DCC: variants seen among roughly 807,000 people sequenced by gnomAD.
DCC encodes the protein netrin receptor DCC.
A neutral mutation model predicts 172.5 loss-of-function variants in DCC; 58 were observed. That is an observed-to-expected ratio of 0.34 (90% confidence interval 0.27 to 0.42). The LOEUF is 0.42. Among genes scored for constraint, DCC ranks in the 10% least tolerant of loss-of-function variants. The pLI, the probability that DCC is intolerant of heterozygous loss-of-function variation, is 1.00. For synonymous variants in DCC, 709 were observed against 644.5 expected (o/e 1.10, Z -1.52); for missense variants, 1,740 against 1,791.0 (o/e 0.97, Z 0.51).
chr18:52,664,800 T>C (rs1599000342), intron 1 of DCC, among the ~76,000 whole-genome samples: 1 of 152,126 alleles, frequency 6.6e-6, no homozygotes, highest in Non-Finnish European at 1.5e-5. Flanking sequence ...AATGCAAAAA[T>C]CCTACTGATA....
intron 5 of DCC, among the ~76,000 whole-genome samples, chr18:52,926,806 C>T (rs1230655460): frequency 1.4e-5 from 2 of 142,298 alleles, no homozygotes; most frequent in Non-Finnish European, 3.1e-5. Context: ...CACACATATA[C>T]ATATGTGTGT....
intron 24 of DCC, 52 bp downstream of exon 24, chr18:53,459,510 G>A: frequency 8.0e-7 from 1 of 1,245,766 alleles, no homozygotes; most frequent in East Asian, 2.3e-5. Context: ...TGAACCCAAG[G>A]GAGTTTTTCA....
chr18:52,362,543 G>T (rs1364959207), intron 1 of DCC, among the ~76,000 whole-genome samples: 1 of 152,090 alleles, frequency 6.6e-6, no homozygotes, highest in Admixed American at 6.5e-5. Context: ...AAATTTGAAT[G>T]CTATAATAGA....
At chr18:53,254,214 A>C (rs750662155) in intron 12 of DCC, among the ~76,000 whole-genome samples, 15 of 152,090 alleles carry the variant, frequency 9.9e-5, no homozygotes, top group Non-Finnish European at 1.8e-4. Flanking sequence ...ACAGGGCTCC[A>C]AGCTGCCATG....
chr18:52,943,524 C>CT (rs1381711685), intron 5 of DCC, among the ~76,000 whole-genome samples: 1 of 152,072 alleles, frequency 6.6e-6, no homozygotes, highest in Non-Finnish European at 1.5e-5. Flanking sequence ...GTTTTGTAAT[C>CT]TCTATATCGC....
At chr18:52,929,673 C>T (rs114282109) in intron 5 of DCC, among the ~76,000 whole-genome samples, 2,281 of 151,632 alleles carry the variant, frequency 0.015, 44 homozygotes, top group African/African-American at 0.039. Context: ...AGTGGTGTGC[C>T]GTTTGTATAA....
At chr18:52,857,116 A>C (rs958260540) in intron 2 of DCC, among the ~76,000 whole-genome samples, 4 of 152,226 alleles carry the variant, frequency 2.6e-5, no homozygotes, top group Non-Finnish European at 4.4e-5. Context: ...TTTTGGAAAA[A>C]AAATGGTAAA....
At chr18:52,511,847 G>T (rs1404090690) in intron 1 of DCC, among the ~76,000 whole-genome samples, 1 of 152,126 alleles carries the variant, frequency 6.6e-6, no homozygotes, top group African/African-American at 2.4e-5. Flanking sequence ...TTCAGGACTG[G>T]CTTTCTCGTG....
At chr18:53,457,038 G>A (rs1387234552) in intron 23 of DCC, among the ~76,000 whole-genome samples, 1 of 152,168 alleles carries the variant, frequency 6.6e-6, no homozygotes, top group Non-Finnish European at 1.5e-5. Flanking sequence ...AGATGGTCAT[G>A]GCTAGAATAA....
intron 1 of DCC, among the ~76,000 whole-genome samples, chr18:52,462,132 G>T (rs1035412416): frequency 6.6e-6 from 1 of 152,070 alleles, no homozygotes; most frequent in East Asian, 1.9e-4. Flanking sequence ...TCCCACCAAG[G>T]TAGGAAGTTA....
chr18:53,390,041 C>A (rs1221204345), intron 16 of DCC, among the ~76,000 whole-genome samples: 2 of 152,120 alleles, frequency 1.3e-5, no homozygotes, highest in South Asian at 2.1e-4. Flanking sequence ...CAAAGTAGCA[C>A]CTGCTTTAAT....
intron 1 of DCC, among the ~76,000 whole-genome samples, chr18:52,723,024 T>C (rs4603662): frequency 0.44 from 66,694 of 152,066 alleles, 15,623 homozygotes; most frequent in East Asian, 0.76. Context: ...TTTGAGAGCA[T>C]AGCTCTATTG....
intron 5 of DCC, among the ~76,000 whole-genome samples, chr18:52,929,159 T>C (rs1307403842): frequency 1.3e-5 from 2 of 152,186 alleles, no homozygotes; most frequent in East Asian, 3.9e-4. Context: ...GTATTCAACA[T>C]CCACACCCCA....
intron 23 of DCC, among the ~76,000 whole-genome samples, chr18:53,457,296 A>T (rs1042168955): frequency 3.3e-5 from 5 of 152,246 alleles, no homozygotes; most frequent in African/African-American, 1.2e-4. Context: ...TTGGTACTGA[A>T]GTCATGGAAA....
intron 2 of DCC, among the ~76,000 whole-genome samples, chr18:52,876,424 G>T (rs1263446889): frequency 1.3e-5 from 2 of 152,174 alleles, no homozygotes; most frequent in African/African-American, 2.4e-5. Flanking sequence ...TTCTTCATAT[G>T]CATAGGCATA....
intron 12 of DCC, among the ~76,000 whole-genome samples, chr18:53,226,605 T>C (rs2056032426): frequency 6.6e-6 from 1 of 152,054 alleles, no homozygotes; most frequent in Non-Finnish European, 1.5e-5. Flanking sequence ...AGTTATATAA[T>C]ATATTTGTTA....
At chr18:52,672,294 C>A (rs541350002) in intron 1 of DCC, among the ~76,000 whole-genome samples, 3 of 152,002 alleles carry the variant, frequency 2.0e-5, no homozygotes, top group Non-Finnish European at 4.4e-5. Flanking sequence ...TGTGTGTATA[C>A]GCTTCATAAT....
chr18:53,220,503 C>T (rs1157522099), intron 12 of DCC, among the ~76,000 whole-genome samples: 1 of 152,074 alleles, frequency 6.6e-6, no homozygotes, highest in Non-Finnish European at 1.5e-5. Flanking sequence ...GAGCTCTGAG[C>T]CCTCTCCTCA....
intron 1 of DCC, among the ~76,000 whole-genome samples, chr18:52,676,480 A>G (rs1172151626): frequency 6.6e-6 from 1 of 152,204 alleles, no homozygotes; most frequent in Non-Finnish European, 1.5e-5. Flanking sequence ...CTTGTACCCA[A>G]AATATCTGAC....
Sources: allele counts gnomAD v4.1 joint callset (sites outside exome capture counted in the v4.1 genomes callset), GRCh38; gene constraint gnomAD v4.1.1; transcripts MANE v1.5; gene names NCBI Gene and HGNC (gene_info 2026-07-23, HGNC 2026-07-21).